IPO4: variants seen among roughly 807,000 people sequenced by gnomAD.
IPO4 encodes importin 4, also known as importin-4.
A neutral mutation model predicts 133.5 loss-of-function variants in IPO4; 91 were observed. That is an observed-to-expected ratio of 0.68 (90% confidence interval 0.58 to 0.81). The LOEUF (loss-of-function observed/expected upper bound fraction) is 0.81, where lower values mean the gene tolerates loss of function less well. IPO4 is among the 30% of genes least tolerant of loss of function. IPO4 has a pLI of 0.00. For missense variants in IPO4, 1,279 were observed against 1,386.2 expected (o/e 0.92, Z 1.23); for synonymous variants, 607 against 581.6 (o/e 1.04, Z -0.63).
In IPO4 at chr14:24,181,583, T is replaced by C; in HGVS notation, c.2975A>G (p.Lys992Arg). 6.2e-7 allele frequency: 1 copy of C among 1,613,180 alleles called. No individual in the cohort carries two copies. The highest frequency in any genetic ancestry group is 1.3e-5 in the African/African-American group (1 of 75,018). ...GGTGACCCACTCCTCCAAGTCCTCC[T>C]TCAGTGGCAGGGCATGCAGTAGGGC... ...LAALLHALPL[K>R]EDLEEWVTIG... is the part of the protein sequence containing the mutation. Residue 992 changes from lysine to arginine, a missense_variant, in exon 28 of 30, where the codon AAG becomes AGG. Around this residue, in one of 3 missense-constraint regions of IPO4, gnomAD observed 575 missense variants for 653.4 expected, o/e 0.88. Transcript: ENST00000354464.
chr14:24,188,017 A>C (rs1411865662), intron 4 of IPO4, 199 bp downstream of exon 4: 32 of 771,874 alleles, frequency 4.1e-5, no homozygotes, highest in Non-Finnish European at 6.0e-5. Flanking sequence ...TTTCAGTCTT[A>C]TTCTTCTGAC....
At position 24,184,129 on chromosome 14, in the gene IPO4, G is replaced by A. The variant is rs756818812; in HGVS notation, c.1758-20C>T. 4.4e-6 allele frequency: 7 copies of A among 1,606,164 alleles called. No homozygotes were observed. The highest frequency in any genetic ancestry group is 2.0e-4 in the Middle Eastern group (1 of 5,106). ...CTGTACCTGGTCAAAGCAGGCAGAA[G>A]AAGCTGTAAGGTCCTGCCTGCTACC... On this transcript the variant is annotated intron_variant, in intron 17 of 29. Coordinates refer to ENST00000354464, the MANE Select transcript of IPO4 (RefSeq NM_024658.4).
chr14:24,184,617 A>T, intron 16 of IPO4, 33 bp downstream of exon 16: 1 of 1,518,344 alleles, frequency 6.6e-7, no homozygotes, highest in Non-Finnish European at 8.9e-7. Flanking sequence ...CTTTGCTGGC[A>T]CTGGGAGCCC....
chr14:24,182,266 A>G lies in IPO4; in HGVS notation c.2598+12T>C, dbSNP rs1034969594. Reference sequence around the variant, plus strand: ...GGGGACTAGGGCTTGAAGCCAGAAGATGGACACTCACTGTCTTGCACACCA... The same window carrying G: ...GGGGACTAGGGCTTGAAGCCAGAAGGTGGACACTCACTGTCTTGCACACCA... On this transcript the variant is annotated intron_variant, in intron 25 of 29. Transcript: ENST00000354464. 1.2e-6 allele frequency: 2 copies of G among 1,614,020 alleles called. No homozygotes were observed. Among genetic ancestry groups the G allele is most frequent in the African/African-American group, 2.7e-5 (2 of 74,920 alleles).
intron 4 of IPO4, 51 bp downstream of exon 4, chr14:24,188,165 G>A: frequency 6.3e-7 from 1 of 1,585,768 alleles, no homozygotes; most frequent in Non-Finnish European, 8.6e-7. Flanking sequence ...AAGGAAGGCA[G>A]AAACCTAGAC....
intron 6 of IPO4, 24 bp downstream of exon 6, chr14:24,187,376 A>G: frequency 6.2e-7 from 1 of 1,611,088 alleles, no homozygotes. Flanking sequence ...AGGGAGTCAA[A>G]GATAACGAGG....
intron 17 of IPO4, 32 bp downstream of exon 17, chr14:24,184,266 C>T (rs1265866096): frequency 6.3e-7 from 1 of 1,574,830 alleles, no homozygotes; most frequent in South Asian, 1.2e-5. Flanking sequence ...GGGGAGGGGA[C>T]AAGGGCAGAG....
Position 24,181,552 on chromosome 14 carries a change from C to A in IPO4, c.3006G>T (p.Gly1002=). Residue 1002 remains glycine, a synonymous_variant, in exon 28 of 30, where the codon GGG becomes GGT. Coordinates refer to ENST00000354464, the MANE Select transcript of IPO4 (RefSeq NM_024658.4). Reference sequence around the variant, plus strand: ...TCTGGTACAGGAAGCTGAAGAGGCGCCCAATGGTGACCCACTCCTCCAAGT... The same window carrying A: ...TCTGGTACAGGAAGCTGAAGAGGCGACCAATGGTGACCCACTCCTCCAAGT... ...KEDLEEWVTI[G]RLFSFLYQSS... 1 of 1,597,644 alleles carries A rather than the reference C, an allele frequency of 6.3e-7. No individual in the cohort carries two copies. Among genetic ancestry groups the A allele is most frequent in the Non-Finnish European group, 8.5e-7 (1 of 1,171,998 alleles).
Position 24,182,313 on chromosome 14 carries a change from A to C in IPO4, c.2563T>G (p.Phe855Val). The change falls in exon 25 of 30, where the codon TTT (phenylalanine) becomes GTT (valine). Residue 855 changes from phenylalanine to valine, a missense_variant. Around this residue, in one of 3 missense-constraint regions of IPO4, gnomAD observed 575 missense variants for 653.4 expected, o/e 0.88. Coordinates refer to ENST00000354464, the MANE Select transcript of IPO4 (RefSeq NM_024658.4). ...ACCAATAATGGCAGGAAACCGGCAA[A>C]GAATGGGGCAAAGGAGTCTCCCCCA... The part of the protein sequence containing the change: ...AAGGDSFAPF[F>V]AGFLPLLVCK... 3 of 1,614,054 alleles carry C rather than the reference A, an allele frequency of 1.9e-6. No homozygotes were observed. The highest frequency in any genetic ancestry group is 2.5e-6 in the Non-Finnish European group (3 of 1,179,976).
intron 28 of IPO4, among the ~76,000 whole-genome samples, chr14:24,181,158 G>A (rs1349882421): frequency 6.6e-6 from 1 of 152,178 alleles, no homozygotes; most frequent in Admixed American, 6.5e-5. Context: ...TGTATGGTGT[G>A]GTGGCCCAGA....
Position 24,188,621 on chromosome 14 carries a change from C to A in IPO4, c.87G>T (p.Gln29His). ...AAGCGGCGGGGGCCCGAAGAACGAT[C>A]TGGAGCTGTTCCGTGGCCTGGGGGG... Reference protein sequence around the residue: ...ERIRRATEQLQIVLRAPAALP... With the variant: ...ERIRRATEQLHIVLRAPAALP... Residue 29 changes from glutamine (Q) to histidine (H), a missense_variant, in exon 2 of 30, where the codon CAG becomes CAT. This residue lies in a region of IPO4 where 695 missense variants were observed against 704.1 expected (regional missense o/e 0.99). Coordinates refer to ENST00000354464, the MANE Select transcript of IPO4 (RefSeq NM_024658.4). 1 of 1,611,528 alleles carries A rather than the reference C, an allele frequency of 6.2e-7. No individual in the cohort carries two copies.
In IPO4 at chr14:24,184,571, TG is replaced by T. The variant is rs1399362797; in HGVS notation, c.1636+78del. The T allele has an allele frequency of 6.4e-6, 9 of 1,409,782 alleles. No individual in the cohort carries two copies. In the Admixed American group the frequency reaches 1.2e-4, roughly 18 times the overall value. 87.3% of individuals were successfully genotyped at this position (1,409,782 alleles called of 1,614,324 possible). ...GAGAAGGAAGACATCCGTGCTCCTG[TG>T]GGGGCAATCTGTCAACACCAGGTGA... On this transcript the variant is annotated intron_variant, in intron 16 of 29. Coordinates refer to ENST00000354464, the MANE Select transcript of IPO4 (RefSeq NM_024658.4).
chr14:24,182,783 G>A lies in IPO4; in HGVS notation c.2472+9C>T, dbSNP rs371071164. On this transcript the variant is annotated intron_variant, in intron 24 of 29. Transcript: ENST00000354464. ...CCGCCTGGTCCCCGTTTTTATCCCT[G>A]GCTCTCACCTGATCATCATCTTCCT... The A allele has an allele frequency of 3.1e-6, 5 of 1,614,104 alleles. No individual in the cohort carries two copies. The African/African-American group carries it at 6.7e-5, about 22-fold the overall frequency.
intron 7 of IPO4, 22 bp downstream of exon 7, chr14:24,187,063 G>C (rs754788644): frequency 6.2e-7 from 1 of 1,613,208 alleles, no homozygotes; most frequent in Non-Finnish European, 8.5e-7. Flanking sequence ...TTCCAACAGA[G>C]CTCCTGCCCA....
Position 24,187,727 on chromosome 14 carries a change from C to A in IPO4, c.348G>T (p.Trp116Cys). The change falls in exon 5 of 30, where the codon TGG becomes TGT. Residue 116 changes from tryptophan (W) to cysteine (C), a missense_variant. Around this residue, in one of 3 missense-constraint regions of IPO4, gnomAD observed 695 missense variants for 704.1 expected, o/e 0.99. Coordinates refer to ENST00000354464, the MANE Select transcript of IPO4 (RefSeq NM_024658.4). ...TIFRKEGLEA[W>C]PQLLQLLQHS... The stretch of plus-strand genomic sequence containing the variant: ...GCTGAAGCAGCTGCAAAAGCTGTGG[C>A]CAGGCCTCCAAGCCTTCCTTTCGAA... 1.2e-6 allele frequency: 2 copies of A among 1,614,236 alleles called. No homozygotes were observed. Among genetic ancestry groups the A allele is most frequent in the South Asian group, 2.2e-5 (2 of 91,092 alleles).
chr14:24,185,402 G>T, intron 13 of IPO4, 57 bp downstream of exon 13: 2 of 1,610,780 alleles, frequency 1.2e-6, no homozygotes, highest in Non-Finnish European at 1.7e-6. Flanking sequence ...TTGAAGAGAT[G>T]AAAGATGAGG....
rs2039234604 is a variant in IPO4 at position 24,187,142 on chromosome 14, A to C, written c.597T>G (p.Ala199=). The change falls in exon 7 of 30, where the codon GCT becomes GCG. Residue 199 remains alanine (A), a synonymous_variant. Transcript: ENST00000354464. ...TGATCAGCTTGGGCACCAACATCCG[A>C]GCGAGAGGCTGAGGGACACATCACA... is the stretch of plus-strand genomic sequence containing the variant. ...PYLSTEDVPL[A]RMLVPKLIMA... is the part of the protein sequence containing the mutation. The C allele has an allele frequency of 6.2e-7, 1 of 1,613,618 alleles. No individual in the cohort carries two copies. Among genetic ancestry groups the C allele is most frequent in the Non-Finnish European group, 8.5e-7 (1 of 1,179,750 alleles).
chr14:24,186,063 C>T (rs1193310075), intron 11 of IPO4, 66 bp downstream of exon 11: 10 of 1,601,084 alleles, frequency 6.2e-6, no homozygotes, highest in Admixed American at 1.7e-5. Flanking sequence ...GTCTAAACGT[C>T]GTTGGCCTCA....
At position 24,184,291 on chromosome 14, in the gene IPO4, C is replaced by T. The variant is rs1209097976; in HGVS notation, c.1757+7G>A. 9.5e-6 allele frequency: 15 copies of T among 1,578,486 alleles called. No homozygotes were observed. Among genetic ancestry groups the T allele is most frequent in the Non-Finnish European group, 1.2e-5 (14 of 1,162,258 alleles). On this transcript the variant is annotated splice_region_variant and intron_variant, in intron 17 of 29. Coordinates refer to ENST00000354464, the MANE Select transcript of IPO4 (RefSeq NM_024658.4). ...CAAGGGCAGAGGCAGGGTGAGGGGT[C>T]ACTCACGTGCAGCGCCGCAAGTCAG...
Sources: allele counts gnomAD v4.1 joint callset (sites outside exome capture counted in the v4.1 genomes callset), GRCh38; gene constraint gnomAD v4.1.1; regional missense constraint gnomAD v4.1.1; transcripts MANE v1.5; gene names NCBI Gene and HGNC (gene_info 2026-07-23, HGNC 2026-07-21).